The following PSMG3 variants were observed in gnomAD, a reference collection of about 807,000 sequenced individuals.
PSMG3 encodes PAC-3.
In PSMG3, 4 loss-of-function variants were observed where a neutral mutation model predicts 7.9. That is an observed-to-expected ratio of 0.51 (90% CI 0.25 to 1.16). The LOEUF (loss-of-function observed/expected upper bound fraction) is 1.16, where lower values mean the gene tolerates loss of function less well. Among genes scored for constraint, PSMG3 ranks in the 50% most tolerant of loss-of-function variants. The pLI, the probability that PSMG3 is intolerant of heterozygous loss-of-function variation, is 0.15. For missense variants in PSMG3, 151 were observed against 157.4 expected, an observed-to-expected ratio of 0.96 and a Z score of 0.22; for synonymous variants, 81 against 69.8, an observed-to-expected ratio of 1.16 and a Z score of -0.80.
chr7:1,568,073 T>G (rs1778807774), intron 1 of PSMG3, among the ~76,000 whole-genome samples: 1 of 152,006 alleles, frequency 6.6e-6, no homozygotes, highest in Admixed American at 6.6e-5. Context: ...TCCCAGCGCC[T>G]TCCGCAGCCC....
chr7:1,567,734 C>T lies in PSMG3; in HGVS notation c.333G>A (p.Ala111=), dbSNP rs773166864. The T allele has an allele frequency of 1.9e-5, 31 of 1,614,030 alleles. No homozygotes were observed. In the Admixed American group the frequency reaches 3.8e-4, roughly 20 times the overall value. ...GGCACACCCGGATCACCTCCCTCAGCGCCTTCAGCCCCTCCATGCTTTTGT... is the reference window on the plus strand; with the variant it reads ...GGCACACCCGGATCACCTCCCTCAGTGCCTTCAGCCCCTCCATGCTTTTGT... The part of the protein sequence containing the change: ...VKDKSMEGLK[A]LREVIRVCQV... Residue 111 remains alanine (A), a synonymous_variant, in exon 2 of 2, where the codon GCG becomes GCA. Coordinates refer to ENST00000288607, the MANE Select transcript of PSMG3 (RefSeq NM_032302.4).
intron 1 of PSMG3, among the ~76,000 whole-genome samples, chr7:1,568,225 G>A (rs560466057): frequency 6.6e-6 from 1 of 152,180 alleles, no homozygotes; most frequent in East Asian, 1.9e-4. Flanking sequence ...TGGCAGGGGA[G>A]GCGGCTCGAA....
rs755397533 is a variant in PSMG3 at position 1,567,773 on chromosome 7, G to A, written c.294C>T (p.Ala98=). ...QEAGNRAVLL[A]VAVKDKSMEG... Reference sequence around the variant, plus strand: ...CCATGCTTTTGTCCTTCACGGCCACGGCGAGGAGGACTGCTCTGTTTCCAG... The same window carrying A: ...CCATGCTTTTGTCCTTCACGGCCACAGCGAGGAGGACTGCTCTGTTTCCAG... The change falls in exon 2 of 2, where the codon GCC becomes GCT. Residue 98 remains alanine, a synonymous_variant. Transcript: ENST00000288607. 3.7e-6 allele frequency: 6 copies of A among 1,614,146 alleles called. No homozygotes were observed. Among genetic ancestry groups the A allele is most frequent in the African/African-American group, 1.3e-5 (1 of 75,032 alleles).
rs1226853343 is a variant in PSMG3, at chr7:1,567,829, T to G, written c.238A>C (p.Lys80Gln). The change falls in exon 2 of 2, where the codon AAG (lysine) becomes CAG (glutamine). Residue 80 changes from lysine to glutamine, a missense_variant. Lys to Gln is a moderately conservative substitution (Grantham distance 53, BLOSUM62 1). Transcript: ENST00000288607. ...TGAGACACAAACGCTACCAGGTTCT[T>G]TGCAAAGACATGGATGAGAGGCTGG... ...QDEPLIHVFAKNLVAFVSQEA... is the reference protein window; with the variant it reads ...QDEPLIHVFAQNLVAFVSQEA... 4 of 1,613,762 alleles carry G rather than the reference T, an allele frequency of 2.5e-6. No individual in the cohort carries two copies. The East Asian group carries it at 6.7e-5, about 27-fold the overall frequency.
intron 1 of PSMG3, 43 bp downstream of exon 1, chr7:1,569,081 G>C (rs778747907): frequency 6.4e-6 from 10 of 1,571,258 alleles, no homozygotes; most frequent in African/African-American, 1.3e-5. Context: ...GAAAGTGCTA[G>C]GGTTACAGGC....
At position 1,567,565 on chromosome 7, in the gene PSMG3, C is replaced by CT. The variant is rs1444558429; in HGVS notation, c.*132dup. Reference sequence around the variant, plus strand: ...GTAAGAGTCTGCCTGAGACACGAGTCTTTTTTCCTGGCTCCAAGGGCTAGT... The same window carrying CT: ...GTAAGAGTCTGCCTGAGACACGAGTCTTTTTTTCCTGGCTCCAAGGGCTAGT... On this transcript the variant is annotated 3_prime_UTR_variant, in exon 2 of 2. Coordinates refer to ENST00000288607, the MANE Select transcript of PSMG3 (RefSeq NM_032302.4). 11 of 833,606 alleles carry CT rather than the reference C, an allele frequency of 1.3e-5. No homozygotes were observed. In the East Asian group the frequency reaches 2.8e-4, roughly 21 times the overall value. 51.6% of individuals were successfully genotyped at this position (833,606 alleles called of 1,614,324 possible).
Position 1,567,602 on chromosome 7 carries a change from T to C in PSMG3, c.*96A>G. The C allele has an allele frequency of 7.7e-7, 1 of 1,294,482 alleles. No individual in the cohort carries two copies. Among genetic ancestry groups the C allele is most frequent in the Non-Finnish European group, 1.1e-6 (1 of 942,768 alleles). The allele number at this position is 1,294,482 out of a possible 1,614,324, so 80.2% of individuals were successfully genotyped here. ...CTCCAAGGGCTAGTGCCAAAGTTCC[T>C]CCCTCCACCGGGGAGGGAGGTGAGA... On this transcript the variant is annotated 3_prime_UTR_variant, in exon 2 of 2. Coordinates refer to ENST00000288607, the MANE Select transcript of PSMG3 (RefSeq NM_032302.4).
intron 1 of PSMG3, among the ~76,000 whole-genome samples, chr7:1,568,573 C>T (rs140194971): frequency 7.6e-4 from 116 of 152,030 alleles, no homozygotes; most frequent in African/African-American, 2.6e-3. Flanking sequence ...TCAAGCCATC[C>T]TCCCACCTCA....
chr7:1,568,210 T>A (rs888549845), intron 1 of PSMG3, among the ~76,000 whole-genome samples: 3 of 152,014 alleles, frequency 2.0e-5, no homozygotes, highest in African/African-American at 7.2e-5. Flanking sequence ...TCACGTAATG[T>A]ACCATGGCAG....
rs1778833312 is a variant in PSMG3 at position 1,569,282 on chromosome 7, G to T, written c.58C>A (p.Pro20Thr). 1 of 1,613,114 alleles carries T rather than the reference G, an allele frequency of 6.2e-7. No individual in the cohort carries two copies. The highest frequency in any genetic ancestry group is 8.5e-7 in the Non-Finnish European group (1 of 1,179,950). Residue 20 changes from proline to threonine, a missense_variant, in exon 1 of 2, where the codon CCC becomes ACC. Coordinates refer to ENST00000288607, the MANE Select transcript of PSMG3 (RefSeq NM_032302.4). ...KQKTEVVCGV[P>T]TQVVCTAFSS... Reference sequence around the variant, plus strand: ...AAGGCCGTACACACCACCTGGGTGGGGACCCCGCACACCACCTCCGTCTTC... The same window carrying T: ...AAGGCCGTACACACCACCTGGGTGGTGACCCCGCACACCACCTCCGTCTTC...
chr7:1,569,450 G>T lies in PSMG3; in HGVS notation c.-111C>A. On this transcript the variant is annotated 5_prime_UTR_variant, in exon 1 of 2. An upstream open reading frame in the 5' UTR gains an earlier in-frame stop. Transcript: ENST00000288607. ...TCCCAAAAAAGTAGCACGGGGCATT[G>T]AAACGGAAACGCAAGGAGGCCCATT... is the stretch of plus-strand genomic sequence containing the variant. 3.5e-6 allele frequency: 3 copies of T among 867,610 alleles called. No individual in the cohort carries two copies. Among genetic ancestry groups the T allele is most frequent in the Non-Finnish European group, 3.4e-6 (2 of 579,860 alleles). 53.7% of individuals were successfully genotyped at this position (867,610 alleles called of 1,614,324 possible).
At position 1,567,806 on chromosome 7, in the gene PSMG3, A is replaced by G; in HGVS notation, c.261T>C (p.Ser87=). The G allele has an allele frequency of 1.2e-6, 2 of 1,614,104 alleles. No individual in the cohort carries two copies. Among genetic ancestry groups the G allele is most frequent in the Non-Finnish European group, 1.7e-6 (2 of 1,179,994 alleles). Residue 87 remains serine (S), a synonymous_variant, in exon 2 of 2, where the codon TCT becomes TCC. Transcript: ENST00000288607. ...VFAKNLVAFV[S]QEAGNRAVLL... is the part of the protein sequence containing the mutation. ...GGACTGCTCTGTTTCCAGCTTCTTGAGACACAAACGCTACCAGGTTCTTTG... is the reference window on the plus strand; with the variant it reads ...GGACTGCTCTGTTTCCAGCTTCTTGGGACACAAACGCTACCAGGTTCTTTG...
rs926617151 is a variant in PSMG3, at chr7:1,567,574, T to G, written c.*124A>C. 3.2e-6 allele frequency: 3 copies of G among 925,178 alleles called. No individual in the cohort carries two copies. Among genetic ancestry groups the G allele is most frequent in the Non-Finnish European group, 4.9e-6 (3 of 614,732 alleles). 57.3% of individuals were successfully genotyped at this position (925,178 alleles called of 1,614,324 possible). On this transcript the variant is annotated 3_prime_UTR_variant, in exon 2 of 2. Coordinates refer to ENST00000288607, the MANE Select transcript of PSMG3 (RefSeq NM_032302.4). Reference sequence around the variant, plus strand: ...TGCCTGAGACACGAGTCTTTTTTCCTGGCTCCAAGGGCTAGTGCCAAAGTT... The same window carrying G: ...TGCCTGAGACACGAGTCTTTTTTCCGGGCTCCAAGGGCTAGTGCCAAAGTT...
rs780855025 is a variant in PSMG3, at chr7:1,569,749, A to G, written c.-410T>C. ...CATTGCATTACAACCCGGGCGGTAG[A>G]GCGAGACCCTGTCCGTAAAAAAATA... On this transcript the variant is annotated 5_prime_UTR_variant, in exon 1 of 2. Coordinates refer to ENST00000288607, the MANE Select transcript of PSMG3 (RefSeq NM_032302.4). The G allele has an allele frequency of 3.9e-4, 63 of 163,346 alleles. No individual in the cohort carries two copies. Among genetic ancestry groups the G allele is most frequent in the Non-Finnish European group, 6.1e-4 (46 of 74,892 alleles). 10.1% of individuals were successfully genotyped at this position (163,346 alleles called of 1,614,324 possible).
Position 1,567,558 on chromosome 7 carries a change from C to A in PSMG3, c.*140G>T. ...AACCAGAGTAAGAGTCTGCCTGAGA[C>A]ACGAGTCTTTTTTCCTGGCTCCAAG... is the stretch of plus-strand genomic sequence containing the variant. On this transcript the variant is annotated 3_prime_UTR_variant, in exon 2 of 2. Transcript: ENST00000288607. The A allele has an allele frequency of 1.3e-6, 1 of 755,678 alleles. No homozygotes were observed. Among genetic ancestry groups the A allele is most frequent in the East Asian group, 2.6e-5 (1 of 38,866 alleles). The allele number at this position is 755,678 out of a possible 1,614,324, so 46.8% of individuals were successfully genotyped here.
chr7:1,567,465 G>C lies in PSMG3; in HGVS notation c.*233C>G. On this transcript the variant is annotated 3_prime_UTR_variant, in exon 2 of 2. Transcript: ENST00000288607. ...AAACACAAGCAACGATTCAGGTCCT[G>C]GTGAGAACCATTCACGACTCCTCCG... is the stretch of plus-strand genomic sequence containing the variant. 1 of 425,936 alleles carries C rather than the reference G, an allele frequency of 2.3e-6. No individual in the cohort carries two copies. The highest frequency in any genetic ancestry group is 4.1e-6 in the Non-Finnish European group (1 of 241,920). 26.4% of individuals were successfully genotyped at this position (425,936 alleles called of 1,614,324 possible).
Position 1,569,434 on chromosome 7 carries a change from A to G in PSMG3, c.-95T>C, listed in dbSNP as rs1038121494. 2 of 1,039,212 alleles carry G rather than the reference A, an allele frequency of 1.9e-6. No individual in the cohort carries two copies. The highest frequency in any genetic ancestry group is 2.8e-5 in the Admixed American group (1 of 35,856). 64.4% of individuals were successfully genotyped at this position (1,039,212 alleles called of 1,614,324 possible). A position where few individuals can be genotyped will look rare whatever the true frequency, so the allele number is the denominator to read the frequency against. Reference sequence around the variant, plus strand: ...AGTACAGCCTTGGGGCTCCCAAAAAAGTAGCACGGGGCATTGAAACGGAAA... The same window carrying G: ...AGTACAGCCTTGGGGCTCCCAAAAAGGTAGCACGGGGCATTGAAACGGAAA... On this transcript the variant is annotated 5_prime_UTR_variant, in exon 1 of 2. Coordinates refer to ENST00000288607, the MANE Select transcript of PSMG3 (RefSeq NM_032302.4).
At position 1,569,981 on chromosome 7, in the gene PSMG3, G is replaced by A. The variant is rs951271693; in HGVS notation, c.-642C>T. On this transcript the variant is annotated 5_prime_UTR_variant, in exon 1 of 2. Transcript: ENST00000288607. The stretch of plus-strand genomic sequence containing the variant: ...CGGGCTACTGGGGACGCAGCCGCCC[G>A]GGGAAGCCCGCGGGTACCCGCGCTC... 2 of 151,870 alleles carry A rather than the reference G, an allele frequency of 1.3e-5. No homozygotes were observed. The highest frequency in any genetic ancestry group is 1.5e-5 in the Non-Finnish European group (1 of 67,948). The allele number at this position is 151,870 out of a possible 1,614,324, so 9.4% of individuals were successfully genotyped here. A position where few individuals can be genotyped will look rare whatever the true frequency, so the allele number is the denominator to read the frequency against.
Position 1,569,369 on chromosome 7 carries a change from T to C in PSMG3, c.-30A>G, listed in dbSNP as rs779408142. 1.8e-5 allele frequency: 27 copies of C among 1,541,438 alleles called. No homozygotes were observed. The highest frequency in any genetic ancestry group is 2.2e-5 in the Non-Finnish European group (25 of 1,137,342). ...GGGCTCTGCAGTGGCAGCTTTAATT[T>C]AGGTTAAAAAGAAAGGGGAAAAAAA... is the stretch of plus-strand genomic sequence containing the variant. On this transcript the variant is annotated 5_prime_UTR_variant, in exon 1 of 2. An upstream open reading frame in the 5' UTR loses its in-frame stop. Transcript: ENST00000288607.
Sources: allele counts gnomAD v4.1 joint callset (sites outside exome capture counted in the v4.1 genomes callset), GRCh38; gene constraint gnomAD v4.1.1; transcripts MANE v1.5; gene names NCBI Gene and HGNC (gene_info 2026-07-23, HGNC 2026-07-21).